Variants in MYO16 observed in about 807,000 individuals in gnomAD.
The protein encoded by MYO16 is unconventional myosin-XVI.
Under a neutral mutation model 205.3 loss-of-function variants are expected in MYO16, and 94 were observed. The ratio of observed to expected loss-of-function variants is 0.46; its 90% CI spans 0.39 to 0.54. The LOEUF is 0.54. Ranked by LOEUF, MYO16 falls within the 20% of genes least tolerant of loss-of-function variation. The pLI is 0.00. For missense variants in MYO16, 2,315 were observed against 2,387.5 expected (o/e 0.97, Z 0.63); for synonymous variants, 988 against 954.0 (o/e 1.04, Z -0.66).
intron 15 of MYO16, among the ~76,000 whole-genome samples, chr13:108,906,574 T>G (rs1168859912): frequency 6.6e-6 from 1 of 152,194 alleles, no homozygotes; most frequent in Admixed American, 6.5e-5. Flanking sequence ...TTGAAATGCT[T>G]TAGTTGATCT....
the MYO16 span, among the ~76,000 whole-genome samples, chr13:108,498,624 T>C: frequency 2.0e-5 from 3 of 152,184 alleles, no homozygotes; most frequent in African/African-American, 7.2e-5. Context: ...AAGAAAAAAC[T>C]TACTGAGATT....
chr13:108,820,061 A>C (rs1875880145), intron 7 of MYO16, among the ~76,000 whole-genome samples: 1 of 152,218 alleles, frequency 6.6e-6, no homozygotes, highest in African/African-American at 2.4e-5. Context: ...CGTATAATAT[A>C]AACCTGAAAG....
intron 22 of MYO16, among the ~76,000 whole-genome samples, chr13:109,011,475 T>G (rs1273628144): frequency 9.0e-5 from 13 of 144,186 alleles, no homozygotes; most frequent in African/African-American, 3.4e-4. Flanking sequence ...TTTTTCTTTT[T>G]GCTTTTTTTT....
chr13:109,065,788 G>A (rs1189583147), intron 27 of MYO16, among the ~76,000 whole-genome samples: 2 of 152,194 alleles, frequency 1.3e-5, no homozygotes, highest in South Asian at 4.1e-4. Context: ...CTTAACTCCA[G>A]ATCCGGGGTA....
At chr13:109,011,242 A>T (rs1477648307) in intron 22 of MYO16, among the ~76,000 whole-genome samples, 1 of 151,810 alleles carries the variant, frequency 6.6e-6, no homozygotes, top group East Asian at 1.9e-4. Flanking sequence ...CCTCTGCATT[A>T]GGTCTTCTTC....
Position 109,140,684 on chromosome 13 carries a change from C to A in MYO16, c.4472C>A (p.Ala1491Glu). ...LLHRAPEDEA[A>E]GPPGDACDIP... Reference sequence around the variant, plus strand: ...CACCGCGCGCCGGAGGACGAGGCGGCGGGGCCCCCAGGGGACGCGTGCGAC... The same window carrying A: ...CACCGCGCGCCGGAGGACGAGGCGGAGGGGCCCCCAGGGGACGCGTGCGAC... The change falls in exon 32 of 35, where the codon GCG becomes GAG. Residue 1491 changes from alanine (A) to glutamate (E), a missense_variant. Around this residue, in one of 3 missense-constraint regions of MYO16, gnomAD observed 1,097 missense variants for 1,092.0 expected, o/e 1.00. Coordinates refer to ENST00000457511, the MANE Select transcript of MYO16 (RefSeq NM_001198950.3). This position sits in a 1 kb window ranked among gnomAD's most constrained non-coding sequence, Gnocchi z 8.0. 6.7e-7 allele frequency: 1 copy of A among 1,482,060 alleles called. No individual in the cohort carries two copies. The highest frequency in any genetic ancestry group is 2.8e-5 in the East Asian group (1 of 35,206). The allele number at this position is 1,482,060 out of a possible 1,614,324, so 91.8% of individuals were successfully genotyped here.
intron 32 of MYO16, among the ~76,000 whole-genome samples, chr13:109,161,943 G>C (rs1878405512): frequency 6.6e-6 from 1 of 152,018 alleles, no homozygotes; most frequent in African/African-American, 2.4e-5. Flanking sequence ...ACAAAAATTA[G>C]CCGGGCATGG....
chr13:108,820,495 G>C (rs1875908137), intron 8 of MYO16, 83 bp downstream of exon 8: 2 of 1,169,318 alleles, frequency 1.7e-6, no homozygotes, highest in East Asian at 5.1e-5. Flanking sequence ...CTTCAGCACA[G>C]CTACAAAGTG....
chr13:108,600,856 T>G (rs2139299174), intron 1 of MYO16, among the ~76,000 whole-genome samples: 1 of 152,288 alleles, frequency 6.6e-6, no homozygotes, highest in African/African-American at 2.4e-5. Flanking sequence ...TTTACTACGG[T>G]TTTTTAAAAG....
chr13:108,823,308 C>A (rs539247369), intron 9 of MYO16, 30 bp downstream of exon 9: 4 of 1,572,390 alleles, frequency 2.5e-6, no homozygotes, highest in East Asian at 4.5e-5. Context: ...TTCTCTTTTG[C>A]CATCTTCTCT....
At position 109,125,349 on chromosome 13, in the gene MYO16, G is replaced by A. The variant is rs1490778089; in HGVS notation, c.3773G>A (p.Gly1258Glu). 2 of 1,614,052 alleles carry A rather than the reference G, an allele frequency of 1.2e-6. No homozygotes were observed. The highest frequency in any genetic ancestry group is 1.1e-5 in the South Asian group (1 of 91,022). ...KLEVRNMQEEGSKRTDDKSGP... is the reference protein window; with the variant it reads ...KLEVRNMQEEESKRTDDKSGP... ...GAGGTCAGGAACATGCAAGAGGAAG[G>A]AAGCAAAAGGTAAAGGCAGAGAGCA... Residue 1258 changes from glycine (G) to glutamate (E), a missense_variant, in exon 30 of 35, where the codon GGA becomes GAA. Physicochemically the swap from Gly to Glu is moderately conservative, Grantham distance 98. Around this residue, in one of 3 missense-constraint regions of MYO16, gnomAD observed 1,097 missense variants for 1,092.0 expected, o/e 1.00. Transcript: ENST00000457511. This position sits in a 1 kb window ranked among gnomAD's most constrained non-coding sequence, Gnocchi z 4.0.
At chr13:108,818,216 T>C (rs1225775351) in intron 7 of MYO16, among the ~76,000 whole-genome samples, 1 of 151,814 alleles carries the variant, frequency 6.6e-6, no homozygotes, top group Non-Finnish European at 1.5e-5. Context: ...AAACCCCAAC[T>C]CTATTAAAAA....
intron 13 of MYO16, chr13:108,886,558 A>G (rs1035333785): frequency 5.1e-5 from 23 of 451,462 alleles, no homozygotes; most frequent in African/African-American, 4.2e-4. Flanking sequence ...GTTGAATACC[A>G]CCAGAGCTTA....
chr13:109,106,755 C>G (rs1053604278), intron 28 of MYO16, among the ~76,000 whole-genome samples: 8 of 152,138 alleles, frequency 5.3e-5, no homozygotes, highest in Non-Finnish European at 2.9e-5. Flanking sequence ...GGGCACTGCA[C>G]CGATGTGGCT....
chr13:108,744,173 T>G (rs917726779), intron 4 of MYO16, among the ~76,000 whole-genome samples: 1 of 152,258 alleles, frequency 6.6e-6, no homozygotes, highest in African/African-American at 2.4e-5. Context: ...TTGACTGCAC[T>G]GAGAAAATTG....
intron 3 of MYO16, among the ~76,000 whole-genome samples, chr13:108,721,536 T>C (rs1884162462): frequency 6.6e-6 from 1 of 152,210 alleles, no homozygotes; most frequent in Admixed American, 6.5e-5. Context: ...TCATTAATGC[T>C]TCCTCTGTTG....
chr13:109,160,008 G>A (rs756674513), intron 32 of MYO16, among the ~76,000 whole-genome samples: 26 of 152,312 alleles, frequency 1.7e-4, no homozygotes, highest in Middle Eastern at 3.4e-3. Flanking sequence ...GAGGTTTCTC[G>A]GCCTCAGTAC....
At chr13:108,981,596 T>C (rs1390286852) in intron 20 of MYO16, among the ~76,000 whole-genome samples, 1 of 152,252 alleles carries the variant, frequency 6.6e-6, no homozygotes, top group Non-Finnish European at 1.5e-5. Context: ...GCTGGCCTGC[T>C]GGAAGATGAG....
At chr13:108,499,932 C>A in the MYO16 span, among the ~76,000 whole-genome samples, 1 of 152,124 alleles carries the variant, frequency 6.6e-6, no homozygotes, top group Non-Finnish European at 1.5e-5. Context: ...CTCTCCTCAG[C>A]CTGGCTTCTC....
Sources: gnomAD v4.1 joint callset for allele counts (sites outside exome capture counted in the v4.1 genomes callset) on GRCh38, gnomAD v4.1.1 for gene constraint, gnomAD v4.1.1 regional missense constraint, Gnocchi (gnomAD v3.1) non-coding constraint, MANE v1.5 for transcripts, NCBI Gene and HGNC (gene_info 2026-07-23, HGNC 2026-07-21) for gene names.